Variants in TRMT61A observed in about 807,000 individuals in gnomAD.
The protein encoded by TRMT61A is tRNA (adenine(58)-N(1))-methyltransferase catalytic subunit TRMT61A.
Under a neutral mutation model 21.3 loss-of-function variants are expected in TRMT61A, and 15 were observed. The observed-to-expected ratio is 0.70, with a 90% CI of 0.47 to 1.08. The LOEUF is 1.08. Among genes scored for constraint, TRMT61A ranks in the 50% least tolerant of loss-of-function variants. The pLI, the probability that TRMT61A is intolerant of heterozygous loss-of-function variation, is 0.00. For missense variants in TRMT61A, 352 were observed against 426.7 expected (o/e 0.83, Z 1.54); for synonymous variants, 183 against 185.5 (o/e 0.99, Z 0.11).
rs2142239355 is a variant in TRMT61A, at chr14:103,531,819, G to A, written c.332-763G>A. Among the ~76,000 whole-genome samples, 1 of 152,260 alleles carries A rather than the reference G, an allele frequency of 6.6e-6. No homozygotes were observed. Among genetic ancestry groups the A allele is most frequent in the South Asian group, 2.1e-4 (1 of 4,826 alleles). ...AGGAGTCTCCAGTGGAGGGGCCTGG[G>A]GATGGGAGTGGCATCAGGTAGATGG... On this transcript the variant is annotated intron_variant, in intron 2 of 3. Transcript: ENST00000389749. The surrounding 1 kb of genome is among the most constrained non-coding windows in gnomAD (Gnocchi z 5.1).
At position 103,532,790 on chromosome 14, in the gene TRMT61A, G is replaced by A; in HGVS notation, c.540G>A (p.Leu180=). The A allele has an allele frequency of 6.4e-7, 1 of 1,571,606 alleles. No individual in the cohort carries two copies. Among genetic ancestry groups the A allele is most frequent in the Non-Finnish European group, 8.6e-7 (1 of 1,159,008 alleles). The change falls in exon 3 of 4, where the codon CTG becomes CTA. Residue 180 remains leucine, a synonymous_variant. Transcript: ENST00000389749. The part of the protein sequence containing the change: ...GVSHVADAVF[L]DIPSPWEAVG... Reference sequence around the variant, plus strand: ...GCCACGTGGCCGACGCCGTCTTCCTGGACATCCCATCACCCTGGGAGGCCG... The same window carrying A: ...GCCACGTGGCCGACGCCGTCTTCCTAGACATCCCATCACCCTGGGAGGCCG...
In TRMT61A at chr14:103,534,886, C is replaced by T. The variant is rs2075968051; in HGVS notation, c.*65C>T. On this transcript the variant is annotated 3_prime_UTR_variant, in exon 4 of 4. Transcript: ENST00000389749. Reference sequence around the variant, plus strand: ...AAGGGCTGGGCAGGGAGGCCAGAGGCACCTTATATGGTCAGCGATGCCTGC... The same window carrying T: ...AAGGGCTGGGCAGGGAGGCCAGAGGTACCTTATATGGTCAGCGATGCCTGC... 1 of 1,519,436 alleles carries T rather than the reference C, an allele frequency of 6.6e-7. No homozygotes were observed. The highest frequency in any genetic ancestry group is 1.2e-5 in the South Asian group (1 of 82,962). 94.1% of individuals were successfully genotyped at this position (1,519,436 alleles called of 1,614,324 possible).
rs2075954704 is a variant in TRMT61A at position 103,531,663 on chromosome 14, G to A, written c.332-919G>A. Among the ~76,000 whole-genome samples, 2 of 152,176 alleles carry A rather than the reference G, an allele frequency of 1.3e-5. No homozygotes were observed. The highest frequency in any genetic ancestry group is 4.1e-4 in the South Asian group (2 of 4,830). On this transcript the variant is annotated intron_variant, in intron 2 of 3. Transcript: ENST00000389749. The surrounding 1 kb of genome is among the most constrained non-coding windows in gnomAD (Gnocchi z 5.1). The stretch of plus-strand genomic sequence containing the variant: ...AGGGGCTGGCCCCTGAAAGGAATGT[G>A]GGAGGTGGCAGGACGTGGGACGGGA...
At chr14:103,530,576 TG>T (rs2075950858) in intron 2 of TRMT61A, among the ~76,000 whole-genome samples, 1 of 152,136 alleles carries the variant, frequency 6.6e-6, no homozygotes, top group Non-Finnish European at 1.5e-5. Context: ...CTTGCCTTGG[TG>T]GGGCGTGGCC....
In TRMT61A at chr14:103,530,030, C is replaced by T; in HGVS notation, c.52C>T (p.Leu18=). 4 of 1,612,768 alleles carry T rather than the reference C, an allele frequency of 2.5e-6. No individual in the cohort carries two copies. The highest frequency in any genetic ancestry group is 1.1e-5 in the South Asian group (1 of 91,078). The part of the protein sequence containing the change: ...ELIKEGDTAI[L]SLGHGAMVAV... ...GATCAAGGAGGGTGACACGGCCATC[C>T]TGTCACTGGGCCATGGTGCAATGGT... The change falls in exon 2 of 4, where the codon CTG becomes TTG. Residue 18 remains leucine, a synonymous_variant. Coordinates refer to ENST00000389749, the MANE Select transcript of TRMT61A (RefSeq NM_152307.3).
intron 3 of TRMT61A, 44 bp from the exon 4 acceptor site, chr14:103,534,490 GCCAGACGGGCCAGGCT>G (rs1035613993): frequency 6.6e-7 from 1 of 1,513,268 alleles, no homozygotes; most frequent in African/African-American, 1.4e-5. Context: ...GGATGCTAGG[GCCAGACGGGCCAGGCT>G]CTGCCACCCC....
In TRMT61A at chr14:103,535,120, G is replaced by A. The variant is rs2075969024; in HGVS notation, c.*299G>A. 1 of 637,108 alleles carries A rather than the reference G, an allele frequency of 1.6e-6. No homozygotes were observed. The highest frequency in any genetic ancestry group is 2.9e-6 in the Non-Finnish European group (1 of 342,440). 39.5% of individuals were successfully genotyped at this position (637,108 alleles called of 1,614,324 possible). ...TGGGTGTTGAAGCCAAAGGGTGCAG[G>A]TGGGGGAGTCTGACCCCCTCCCAGG... On this transcript the variant is annotated 3_prime_UTR_variant, in exon 4 of 4. Coordinates refer to ENST00000389749, the MANE Select transcript of TRMT61A (RefSeq NM_152307.3).
rs2075955906 is a variant in TRMT61A, at chr14:103,531,958, G to A, written c.332-624G>A. Among the ~76,000 whole-genome samples, 2 of 151,810 alleles carry A rather than the reference G, an allele frequency of 1.3e-5. No individual in the cohort carries two copies. Among genetic ancestry groups the A allele is most frequent in the Admixed American group, 1.3e-4 (2 of 15,264 alleles). On this transcript the variant is annotated intron_variant, in intron 2 of 3. Coordinates refer to ENST00000389749, the MANE Select transcript of TRMT61A (RefSeq NM_152307.3). The surrounding 1 kb of genome is among the most constrained non-coding windows in gnomAD (Gnocchi z 5.1). ...CTGGGGAGGGAAGCTGGGGGCAGGT[G>A]CGCTGGGGAGGACTGGGGCCGTGTG...
Position 103,529,982 on chromosome 14 carries a change from AG to A in TRMT61A, c.5del (p.Ser2ThrfsTer8). 1.9e-6 allele frequency: 3 copies of A among 1,605,116 alleles called. No individual in the cohort carries two copies. The highest frequency in any genetic ancestry group is 2.6e-6 in the Non-Finnish European group (3 of 1,174,760). ...GCCCTTGCCAGACATTAGCACCATG[AG>A]CTTCGTGGCATACGAGGAGCTGATC... The part of the protein sequence containing the change: M[S>X]FVAYEELIKE... On this transcript the variant is annotated frameshift_variant, in exon 2 of 4. Coordinates refer to ENST00000389749, the MANE Select transcript of TRMT61A (RefSeq NM_152307.3). LOFTEE classifies it high-confidence loss of function.
Position 103,536,905 on chromosome 14 carries a change from C to G in TRMT61A, c.*2084C>G, listed in dbSNP as rs932721011. On this transcript the variant is annotated 3_prime_UTR_variant, in exon 4 of 4. Coordinates refer to ENST00000389749, the MANE Select transcript of TRMT61A (RefSeq NM_152307.3). ...GGGACAGAGTTGCTGTGTCAATCCC[C>G]TCGGCCCTGCTGCTCTGCCCTGCAC... The G allele has an allele frequency of 6.6e-6, 1 of 152,198 alleles. No homozygotes were observed. Among genetic ancestry groups the G allele is most frequent in the Non-Finnish European group, 1.5e-5 (1 of 68,100 alleles). 9.4% of individuals were successfully genotyped at this position (152,198 alleles called of 1,614,324 possible). A position where few individuals can be genotyped will look rare whatever the true frequency, so the allele number is the denominator to read the frequency against.
chr14:103,532,508 G>C, intron 2 of TRMT61A, 74 bp from the exon 3 acceptor site: 1 of 1,582,468 alleles, frequency 6.3e-7, no homozygotes, highest in Non-Finnish European at 8.7e-7. Flanking sequence ...GTGAGGTGGG[G>C]GTTGTTTCCT....
chr14:103,534,914 G>C lies in TRMT61A; in HGVS notation c.*93G>C. 1.3e-6 allele frequency: 2 copies of C among 1,490,628 alleles called. No homozygotes were observed. Among genetic ancestry groups the C allele is most frequent in the Non-Finnish European group, 1.8e-6 (2 of 1,106,334 alleles). The allele number at this position is 1,490,628 out of a possible 1,614,324, so 92.3% of individuals were successfully genotyped here. A position where few individuals can be genotyped will look rare whatever the true frequency, so the allele number is the denominator to read the frequency against. On this transcript the variant is annotated 3_prime_UTR_variant, in exon 4 of 4. Coordinates refer to ENST00000389749, the MANE Select transcript of TRMT61A (RefSeq NM_152307.3). ...CTTATATGGTCAGCGATGCCTGCCA[G>C]ACACAGACGGTGGGGTGGGGCTTGG...
rs1595999885 is a variant in TRMT61A at position 103,531,747 on chromosome 14, A to G, written c.332-835A>G. 6.6e-6 allele frequency among the ~76,000 whole-genome samples: 1 copy of G among 152,112 alleles called. No individual in the cohort carries two copies. Among genetic ancestry groups the G allele is most frequent in the South Asian group, 2.1e-4 (1 of 4,828 alleles). ...CCAAGCACTTGCGATGCTCAGCGCT[A>G]TTTGGGTTCCAGGCATGGGTGGCAA... On this transcript the variant is annotated intron_variant, in intron 2 of 3. Transcript: ENST00000389749. This position sits in a 1 kb window ranked among gnomAD's most constrained non-coding sequence, Gnocchi z 5.1.
chr14:103,534,738 A>C lies in TRMT61A; in HGVS notation c.787A>C (p.Ser263Arg). The change falls in exon 4 of 4, where the codon AGC becomes CGC. Residue 263 changes from serine (S) to arginine (R), a missense_variant. Coordinates refer to ENST00000389749, the MANE Select transcript of TRMT61A (RefSeq NM_152307.3). ...AGATGGCCCTGCCGGCTCCGACACC[A>C]GCCCCTTCCGCAGCGGCACGCCCAT... ...GTDGPAGSDTSPFRSGTPMKE... is the reference protein window; with the variant it reads ...GTDGPAGSDTRPFRSGTPMKE... The C allele has an allele frequency of 6.2e-7, 1 of 1,600,454 alleles. No homozygotes were observed. Among genetic ancestry groups the C allele is most frequent in the Non-Finnish European group, 8.5e-7 (1 of 1,177,010 alleles).
intron 1 of TRMT61A, among the ~76,000 whole-genome samples, chr14:103,529,676 G>T (rs1307275112): frequency 6.6e-6 from 1 of 152,262 alleles, no homozygotes; most frequent in African/African-American, 2.4e-5. Context: ...GAATCCTTGG[G>T]ACCGAACTCC....
At chr14:103,532,125 A>G (rs577619084) in intron 2 of TRMT61A, among the ~76,000 whole-genome samples, 1 of 152,084 alleles carries the variant, frequency 6.6e-6, no homozygotes, top group Non-Finnish European at 1.5e-5. Context: ...AGAGGTGGGC[A>G]TGAGGACCGG....
chr14:103,532,451 C>G (rs1006883149), intron 2 of TRMT61A, 131 bp from the exon 3 acceptor site: 5 of 1,151,126 alleles, frequency 4.3e-6, no homozygotes, highest in South Asian at 2.8e-5. Flanking sequence ...TGGAATGACG[C>G]CCACCTGTAG....
chr14:103,533,925 G>A (rs747323707), intron 3 of TRMT61A, among the ~76,000 whole-genome samples: 6 of 152,206 alleles, frequency 3.9e-5, no homozygotes, highest in Non-Finnish European at 7.4e-5. Flanking sequence ...CCTCAGGGAC[G>A]TTTGAGGACA....
chr14:103,536,251 GAGTGCTGGGCCTTCTTCCAC>G lies in TRMT61A; in HGVS notation c.*1434_*1453del. 6.6e-6 allele frequency: 1 copy of G among 152,526 alleles called. No individual in the cohort carries two copies. Among genetic ancestry groups the G allele is most frequent in the South Asian group, 2.1e-4 (1 of 4,826 alleles). 9.4% of individuals were successfully genotyped at this position (152,526 alleles called of 1,614,324 possible). On this transcript the variant is annotated 3_prime_UTR_variant, in exon 4 of 4. Coordinates refer to ENST00000389749, the MANE Select transcript of TRMT61A (RefSeq NM_152307.3). ...CCTTCCTGGGGTTGGGGTGGTCCAG[GAGTGCTGGGCCTTCTTCCAC>G]AGTCCTGGGCTGGAATTCAGTGTGG... is the stretch of plus-strand genomic sequence containing the variant.
Sources: gnomAD v4.1 joint callset for allele counts (sites outside exome capture counted in the v4.1 genomes callset) on GRCh38, gnomAD v4.1.1 for gene constraint, Gnocchi (gnomAD v3.1) non-coding constraint, MANE v1.5 for transcripts, NCBI Gene and HGNC (gene_info 2026-07-23, HGNC 2026-07-21) for gene names.